Variants in PLXNB1 observed in about 807,000 individuals in gnomAD.
The protein encoded by PLXNB1 is plexin B1.
In PLXNB1, 106 loss-of-function variants were observed where a neutral mutation model predicts 209.4. The ratio of observed to expected loss-of-function variants is 0.51; its 90% CI spans 0.43 to 0.59. The LOEUF (loss-of-function observed/expected upper bound fraction) is 0.59, where lower values mean the gene tolerates loss of function less well. PLXNB1 is among the 20% of genes least tolerant of loss of function. PLXNB1 has a pLI of 0.00. For synonymous variants in PLXNB1, 1,167 were observed against 1,183.2 expected (o/e 0.99, Z 0.28); for missense variants, 2,357 against 2,853.2 (o/e 0.83, Z 3.96).
Position 48,410,185 on chromosome 3 carries a change from C to T in PLXNB1, c.5606-108G>A. 6.8e-7 allele frequency: 1 copy of T among 1,465,142 alleles called. No homozygotes were observed. The highest frequency in any genetic ancestry group is 1.3e-5 in the South Asian group (1 of 75,134). The allele number at this position is 1,465,142 out of a possible 1,614,324, so 90.8% of individuals were successfully genotyped here. On this transcript the variant is annotated intron_variant, in intron 31 of 37. Coordinates refer to ENST00000296440, the MANE Select transcript of PLXNB1 (RefSeq NM_001130082.3). The surrounding 1 kb of genome is among the most constrained non-coding windows in gnomAD (Gnocchi z 6.4). The stretch of plus-strand genomic sequence containing the variant: ...TGGGGGCACCTGGTTGAGGGATTTC[C>T]TGGGCCGAATGGAAATAGGCACAAG...
Position 48,429,666 on chromosome 3 carries a change from G to A in PLXNB1, c.-60+342C>T, listed in dbSNP as rs1417307936. Among the ~76,000 whole-genome samples the A allele has an allele frequency of 6.6e-6, 1 of 151,952 alleles. No individual in the cohort carries two copies. Among genetic ancestry groups the A allele is most frequent in the Non-Finnish European group, 1.5e-5 (1 of 67,930 alleles). On this transcript the variant is annotated intron_variant, in intron 1 of 37. Transcript: ENST00000296440. This position sits in a 1 kb window ranked among gnomAD's most constrained non-coding sequence, Gnocchi z 6.4. The stretch of plus-strand genomic sequence containing the variant: ...GGGGAGGGCGGGGGCGGGCTGCACC[G>A]CGGCGGTCGCCATGGCAACGCGGGT...
At chr3:48,420,408 C>T (rs941613994) in intron 10 of PLXNB1, 151 bp from the exon 11 acceptor site, 5 of 640,210 alleles carry the variant, frequency 7.8e-6, no homozygotes, top group South Asian at 3.9e-5. Flanking sequence ...GAGAAAACTG[C>T]GGGGGAAGGC....
At chr3:48,427,870 G>A (rs903258929) in intron 1 of PLXNB1, among the ~76,000 whole-genome samples, 1 of 152,174 alleles carries the variant, frequency 6.6e-6, no homozygotes, top group Non-Finnish European at 1.5e-5. Flanking sequence ...TGACAGGCAC[G>A]GCCGCTCTGC....
At position 48,418,345 on chromosome 3, in the gene PLXNB1, G is replaced by A; in HGVS notation, c.3068C>T (p.Ser1023Phe). The A allele has an allele frequency of 6.2e-7, 1 of 1,613,678 alleles. No individual in the cohort carries two copies. Among genetic ancestry groups the A allele is most frequent in the Non-Finnish European group, 8.5e-7 (1 of 1,180,034 alleles). Reference sequence around the variant, plus strand: ...GCGGCTGCAGTCTCCATGTCCCACGGAACAGTCATACAGTACCACTGGGGG... The same window carrying A: ...GCGGCTGCAGTCTCCATGTCCCACGAAACAGTCATACAGTACCACTGGGGG... ...EGLHVVLYDC[S>F]VGHGDCSRCQ... Residue 1023 changes from serine to phenylalanine, a missense_variant, in exon 15 of 38, where the codon TCC becomes TTC. Coordinates refer to ENST00000296440, the MANE Select transcript of PLXNB1 (RefSeq NM_001130082.3). The surrounding 1 kb of genome is among the most constrained non-coding windows in gnomAD (Gnocchi z 6.6).
At position 48,420,193 on chromosome 3, in the gene PLXNB1, G is replaced by A; in HGVS notation, c.2093C>T (p.Pro698Leu). The A allele has an allele frequency of 6.4e-7, 1 of 1,573,604 alleles. No homozygotes were observed. ...GGPSPSPPTAPKALATPAPDT... is the reference protein window; with the variant it reads ...GGPSPSPPTALKALATPAPDT... Reference sequence around the variant, plus strand: ...AGGAGCAGGGGTGGCCAGGGCTTTGGGGGCTGTGGGTGGGGAGGGGCTGGG... The same window carrying A: ...AGGAGCAGGGGTGGCCAGGGCTTTGAGGGCTGTGGGTGGGGAGGGGCTGGG... Residue 698 changes from proline to leucine, a missense_variant, in exon 11 of 38, where the codon CCC becomes CTC. Transcript: ENST00000296440.
In PLXNB1 at chr3:48,418,603, G is replaced by C. The variant is rs575495659; in HGVS notation, c.2956-61C>G. The C allele has an allele frequency of 3.5e-6, 5 of 1,418,102 alleles. No homozygotes were observed. The East Asian group carries it at 1.2e-4, about 35-fold the overall frequency. 87.8% of individuals were successfully genotyped at this position (1,418,102 alleles called of 1,614,324 possible). A position where few individuals can be genotyped will look rare whatever the true frequency, so the allele number is the denominator to read the frequency against. ...GGGGGAAGTGTCAGGCCTGGGGAGG[G>C]GTTAGTCAGAGAAAGGACTAAAACG... On this transcript the variant is annotated intron_variant, in intron 13 of 37. Transcript: ENST00000296440. This position sits in a 1 kb window ranked among gnomAD's most constrained non-coding sequence, Gnocchi z 6.6.
Position 48,416,335 on chromosome 3 carries a change from C to A in PLXNB1, c.3480+11G>T. On this transcript the variant is annotated intron_variant, in intron 17 of 37. Transcript: ENST00000296440. The surrounding 1 kb of genome is among the most constrained non-coding windows in gnomAD (Gnocchi z 4.1). Reference sequence around the variant, plus strand: ...CCGCTGGCAGCTGGGGGTGGCTCAGCAGTCAGGTACCTGGTAGGCAAAGTC... The same window carrying A: ...CCGCTGGCAGCTGGGGGTGGCTCAGAAGTCAGGTACCTGGTAGGCAAAGTC... 1 of 1,603,298 alleles carries A rather than the reference C, an allele frequency of 6.2e-7. No individual in the cohort carries two copies. The highest frequency in any genetic ancestry group is 8.5e-7 in the Non-Finnish European group (1 of 1,172,040).
chr3:48,421,959 G>C (rs2038558463), intron 6 of PLXNB1, 146 bp downstream of exon 6: 1 of 1,331,684 alleles, frequency 7.5e-7, no homozygotes, highest in Non-Finnish European at 1.0e-6. Context: ...CTGATGCCCA[G>C]TGCAGAGGAT....
Position 48,411,047 on chromosome 3 carries a change from C to A in PLXNB1, c.5248-11G>T. 1 of 1,604,630 alleles carries A rather than the reference C, an allele frequency of 6.2e-7. No individual in the cohort carries two copies. The highest frequency in any genetic ancestry group is 8.5e-7 in the Non-Finnish European group (1 of 1,173,674). On this transcript the variant is annotated splice_polypyrimidine_tract_variant and intron_variant, in intron 28 of 37. Transcript: ENST00000296440. This position sits in a 1 kb window ranked among gnomAD's most constrained non-coding sequence, Gnocchi z 4.0. ...TAGTGCATTCAAGGTCTGTGCAGGA[C>A]ACACAGGAGCCATCAGGGTTCATGT...
Position 48,429,497 on chromosome 3 carries a change from T to TGCCCTCCCCCCGCCCGCCGCCCGGGCC in PLXNB1, c.-60+484_-60+510dup, listed in dbSNP as rs2039077460. ...GCTCCTTCCCCCTCGCCTGCCGGGC[T>TGCCCTCCCCCCGCCCGCCGCCCGGGCC]GCCCTCCCCCCGCCCGCCGCCCGGG... is the stretch of plus-strand genomic sequence containing the variant. On this transcript the variant is annotated intron_variant, in intron 1 of 37. Transcript: ENST00000296440. The surrounding 1 kb of genome is among the most constrained non-coding windows in gnomAD (Gnocchi z 6.4). 1 of 151,118 alleles carries TGCCCTCCCCCCGCCCGCCGCCCGGGCC rather than the reference T, an allele frequency of 6.6e-6. No homozygotes were observed. The highest frequency in any genetic ancestry group is 1.5e-5 in the Non-Finnish European group (1 of 67,716). 9.4% of individuals were successfully genotyped at this position (151,118 alleles called of 1,614,324 possible). A position where few individuals can be genotyped will look rare whatever the true frequency, so the allele number is the denominator to read the frequency against.
Position 48,418,826 on chromosome 3 carries a change from C to G in PLXNB1, c.2955+91G>C. On this transcript the variant is annotated intron_variant, in intron 13 of 37. Transcript: ENST00000296440. The surrounding 1 kb of genome is among the most constrained non-coding windows in gnomAD (Gnocchi z 6.6). The stretch of plus-strand genomic sequence containing the variant: ...AGGGCGACACGGTCAGAGCGTGGCT[C>G]TGGAAAGTGTGGTGCAGCCAGCTAC... 3 of 1,523,170 alleles carry G rather than the reference C, an allele frequency of 2.0e-6. No homozygotes were observed. The highest frequency in any genetic ancestry group is 2.7e-6 in the Non-Finnish European group (3 of 1,108,112). The allele number at this position is 1,523,170 out of a possible 1,614,324, so 94.4% of individuals were successfully genotyped here.
At position 48,419,356 on chromosome 3, in the gene PLXNB1, G is replaced by T. The variant is rs763782209; in HGVS notation, c.2720C>A (p.Thr907Asn). 2.6e-6 allele frequency: 4 copies of T among 1,564,660 alleles called. No homozygotes were observed. In the South Asian group the frequency reaches 3.5e-5, roughly 14 times the overall value. ...TPGLWELEEATLGASSCPCVE... is the reference protein window; with the variant it reads ...TPGLWELEEANLGASSCPCVE... The stretch of plus-strand genomic sequence containing the variant: ...ACAGGGGCAGGAGCTTGCCCCCAAG[G>T]TCGCCTCTTCCTGCAGGCACCAAGG... The change falls in exon 12 of 38, where the codon ACC becomes AAC. Residue 907 changes from threonine to asparagine, a missense_variant. Thr to Asn is a moderately conservative substitution (Grantham distance 65). Around this residue, in one of 7 missense-constraint regions of PLXNB1, gnomAD observed 410 missense variants for 401.0 expected, o/e 1.02. Coordinates refer to ENST00000296440, the MANE Select transcript of PLXNB1 (RefSeq NM_001130082.3). The surrounding 1 kb of genome is among the most constrained non-coding windows in gnomAD (Gnocchi z 5.7).
chr3:48,423,498 A>C lies in PLXNB1; in HGVS notation c.1107+7T>G. On this transcript the variant is annotated splice_region_variant and intron_variant, in intron 3 of 37. Transcript: ENST00000296440. ...AGGCGGAAAAGTGGGGCAATACTGG[A>C]ACTCACCACTGGCAGCTGTGCACAG... The C allele has an allele frequency of 6.2e-7, 1 of 1,608,648 alleles. No individual in the cohort carries two copies. Among genetic ancestry groups the C allele is most frequent in the Non-Finnish European group, 8.5e-7 (1 of 1,175,588 alleles).
At position 48,415,914 on chromosome 3, in the gene PLXNB1, ACT is replaced by A; in HGVS notation, c.3617+115_3617+116del. 7.2e-7 allele frequency: 1 copy of A among 1,386,894 alleles called. No individual in the cohort carries two copies. Among genetic ancestry groups the A allele is most frequent in the Non-Finnish European group, 9.8e-7 (1 of 1,022,614 alleles). 85.9% of individuals were successfully genotyped at this position (1,386,894 alleles called of 1,614,324 possible). A position where few individuals can be genotyped will look rare whatever the true frequency, so the allele number is the denominator to read the frequency against. The stretch of plus-strand genomic sequence containing the variant: ...ACAGCTGGCTAGGGAGGGTCTGGCC[ACT>A]CTCTGAAGGAGCAGACTGGCCCTCT... On this transcript the variant is annotated intron_variant, in intron 18 of 37. Transcript: ENST00000296440. This position sits in a 1 kb window ranked among gnomAD's most constrained non-coding sequence, Gnocchi z 5.0.
At position 48,412,897 on chromosome 3, in the gene PLXNB1, C is replaced by T. The variant is rs377141484; in HGVS notation, c.4699G>A (p.Asp1567Asn). 2.6e-4 allele frequency: 425 copies of T among 1,614,030 alleles called. 1 individual carries two copies. In the South Asian group the frequency reaches 3.2e-3, roughly 12 times the overall value. Residue 1567 changes from aspartate (D) to asparagine (N), a missense_variant, in exon 25 of 38, where the codon GAC becomes AAC. Transcript: ENST00000296440. ...ATCCTCTCCGCATACACCTTGTAGT[C>T]GAGGAAGGGGATGCCGCTGCCCAGG... ...DLLGSGIPFL[D>N]YKVYAERIFF...
At chr3:48,412,172 G>T in intron 27 of PLXNB1, 66 bp downstream of exon 27, 23 of 1,554,500 alleles carry the variant, frequency 1.5e-5, no homozygotes, top group Non-Finnish European at 2.0e-5. Flanking sequence ...TGGTGGCTGA[G>T]GGCTTAGAAG....
rs1419786400 is a variant in PLXNB1 at position 48,418,096 on chromosome 3, A to T, written c.3223-34T>A. 6.2e-7 allele frequency: 1 copy of T among 1,608,262 alleles called. No individual in the cohort carries two copies. Among genetic ancestry groups the T allele is most frequent in the South Asian group, 1.1e-5 (1 of 90,648 alleles). ...GGACAAGGACTGCTCACCTCTACTCAACTGGAAAGGCAGCCCCAACCTCCC... is the reference window on the plus strand; with the variant it reads ...GGACAAGGACTGCTCACCTCTACTCTACTGGAAAGGCAGCCCCAACCTCCC... On this transcript the variant is annotated intron_variant, in intron 15 of 37. Coordinates refer to ENST00000296440, the MANE Select transcript of PLXNB1 (RefSeq NM_001130082.3). The surrounding 1 kb of genome is among the most constrained non-coding windows in gnomAD (Gnocchi z 6.6).
chr3:48,406,489 T>C lies in PLXNB1; in HGVS notation c.6228+334A>G, dbSNP rs921483027. 7.9e-6 allele frequency: 6 copies of C among 763,936 alleles called. No individual in the cohort carries two copies. Among genetic ancestry groups the C allele is most frequent in the Non-Finnish European group, 9.6e-6 (6 of 627,618 alleles). 47.3% of individuals were successfully genotyped at this position (763,936 alleles called of 1,614,324 possible). A position where few individuals can be genotyped will look rare whatever the true frequency, so the allele number is the denominator to read the frequency against. On this transcript the variant is annotated intron_variant, in intron 36 of 37. Coordinates refer to ENST00000296440, the MANE Select transcript of PLXNB1 (RefSeq NM_001130082.3). This position sits in a 1 kb window ranked among gnomAD's most constrained non-coding sequence, Gnocchi z 4.4. ...GAATGGGAGAGGTGAAGGGGACACC[T>C]GTGCCACCAAGGGAAGCACAGCAGT...
rs1284960282 is a variant in PLXNB1, at chr3:48,412,594, G to A, written c.4881C>T (p.Arg1627=). ...AGGCACGGTCCCGAGCTGAAAAGGT[G>A]CGCTGGCTCTCCAGCGTGTGGATGA... The part of the protein sequence containing the change: ...TKFIHTLESQ[R]TFSARDRAYV... Residue 1627 remains arginine (R), a synonymous_variant, in exon 26 of 38, where the codon CGC becomes CGT. Coordinates refer to ENST00000296440, the MANE Select transcript of PLXNB1 (RefSeq NM_001130082.3). 1.9e-6 allele frequency: 3 copies of A among 1,613,442 alleles called. No homozygotes were observed. The highest frequency in any genetic ancestry group is 2.5e-6 in the Non-Finnish European group (3 of 1,180,046).
Sources: gnomAD v4.1 joint callset for allele counts (sites outside exome capture counted in the v4.1 genomes callset) on GRCh38, gnomAD v4.1.1 for gene constraint, gnomAD v4.1.1 regional missense constraint, Gnocchi (gnomAD v3.1) non-coding constraint, MANE v1.5 for transcripts, NCBI Gene and HGNC (gene_info 2026-07-23, HGNC 2026-07-21) for gene names.